The following ADAM19 variants were observed in gnomAD, a reference collection of about 807,000 sequenced individuals.
The protein encoded by ADAM19 is disintegrin and metalloproteinase domain-containing protein 19.
ADAM19 carries 65 observed loss-of-function variants against 114.7 expected under a neutral mutation model. The observed-to-expected ratio is 0.57, with a 90% confidence interval of 0.46 to 0.70. ADAM19 has a LOEUF of 0.70. Ranked by LOEUF, ADAM19 falls within the 30% of genes least tolerant of loss-of-function variation. The pLI, the probability that ADAM19 is intolerant of heterozygous loss-of-function variation, is 0.00. For missense variants in ADAM19, 1,063 were observed against 1,204.7 expected (o/e 0.88, Z 1.74); for synonymous variants, 466 against 460.5 (o/e 1.01, Z -0.15).
Position 157,477,732 on chromosome 5 carries a change from C to A in ADAM19, c.*3217G>T. The A allele has an allele frequency of 3.1e-6, 4 of 1,289,522 alleles. No individual in the cohort carries two copies. The highest frequency in any genetic ancestry group is 2.1e-4 in the Middle Eastern group (1 of 4,694). 79.9% of individuals were successfully genotyped at this position (1,289,522 alleles called of 1,614,324 possible). On this transcript the variant is annotated 3_prime_UTR_variant, in exon 23 of 23. Coordinates refer to ENST00000257527, the MANE Select transcript of ADAM19 (RefSeq NM_033274.5). ...GTTTTCAAATTGCAAGTCTTCCATACCCTCTGTCAAATAAGAATAAATTAG... is the reference window on the plus strand; with the variant it reads ...GTTTTCAAATTGCAAGTCTTCCATAACCTCTGTCAAATAAGAATAAATTAG...
At chr5:157,534,524 G>A (rs1756711737) in intron 4 of ADAM19, among the ~76,000 whole-genome samples, 2 of 152,092 alleles carry the variant, frequency 1.3e-5, no homozygotes, top group South Asian at 2.1e-4. Context: ...CAGGCATGGC[G>A]GCTCATGCCT....
chr5:157,506,659 G>A (rs1264838649), intron 10 of ADAM19, among the ~76,000 whole-genome samples: 3 of 152,186 alleles, frequency 2.0e-5, no homozygotes, highest in African/African-American at 7.2e-5. Context: ...TCAAAAGAAG[G>A]CAGTAATTTC....
At chr5:157,560,714 G>A (rs531740586) in intron 3 of ADAM19, among the ~76,000 whole-genome samples, 1 of 152,192 alleles carries the variant, frequency 6.6e-6, no homozygotes. Flanking sequence ...TCATGTGCAT[G>A]TTCTTGTATG....
rs1754724328 is a variant in ADAM19 at position 157,480,885 on chromosome 5, A to C, written c.*64T>G. On this transcript the variant is annotated 3_prime_UTR_variant, in exon 23 of 23. Coordinates refer to ENST00000257527, the MANE Select transcript of ADAM19 (RefSeq NM_033274.5). ...GCCAGACATGCTTCTTCAGGGTTCCATGGCCATGGGTCCTCTGCAGTGTCC... is the reference window on the plus strand; with the variant it reads ...GCCAGACATGCTTCTTCAGGGTTCCCTGGCCATGGGTCCTCTGCAGTGTCC... 8 of 1,610,846 alleles carry C rather than the reference A, an allele frequency of 5.0e-6. No homozygotes were observed. Among genetic ancestry groups the C allele is most frequent in the Non-Finnish European group, 6.8e-6 (8 of 1,178,942 alleles).
intron 22 of ADAM19, 87 bp from the exon 23 acceptor site, chr5:157,481,089 A>G: frequency 6.4e-7 from 1 of 1,559,900 alleles, no homozygotes. Flanking sequence ...CCGATTTTAG[A>G]AGGAAGGATG....
intron 20 of ADAM19, 106 bp from the exon 21 acceptor site, chr5:157,488,595 A>C: frequency 1.1e-6 from 1 of 892,526 alleles, no homozygotes; most frequent in Non-Finnish European, 1.7e-6. Flanking sequence ...AGACACACCA[A>C]TCTATTAAAC....
At chr5:157,483,757 C>T (rs1754837310) in intron 21 of ADAM19, among the ~76,000 whole-genome samples, 1 of 151,926 alleles carries the variant, frequency 6.6e-6, no homozygotes. Context: ...CCTCAGCCTC[C>T]TGAGTAGTTG....
rs1455434990 is a variant in ADAM19, at chr5:157,477,703, C to T, written c.*3246G>A. The stretch of plus-strand genomic sequence containing the variant: ...ACAATTACTGACTTTGGAACTGGTC[C>T]CCAGTTTTCAAATTGCAAGTCTTCC... On this transcript the variant is annotated 3_prime_UTR_variant, in exon 23 of 23. Transcript: ENST00000257527. 7.8e-7 allele frequency: 1 copy of T among 1,289,640 alleles called. No homozygotes were observed. Among genetic ancestry groups the T allele is most frequent in the Non-Finnish European group, 1.0e-6 (1 of 988,830 alleles). The allele number at this position is 1,289,640 out of a possible 1,614,324, so 79.9% of individuals were successfully genotyped here.
At chr5:157,484,604 C>T (rs940188180) in intron 21 of ADAM19, among the ~76,000 whole-genome samples, 18 of 152,224 alleles carry the variant, frequency 1.2e-4, no homozygotes, top group African/African-American at 3.1e-4. Context: ...CACAAAGAGC[C>T]GAGATTTTCC....
chr5:157,567,312 T>C (rs1249679346), intron 2 of ADAM19, among the ~76,000 whole-genome samples: 1 of 152,212 alleles, frequency 6.6e-6, no homozygotes, highest in East Asian at 1.9e-4. Flanking sequence ...CCCACCGAAG[T>C]AGGAAGCTGG....
intron 16 of ADAM19, among the ~76,000 whole-genome samples, chr5:157,492,727 G>T (rs1176862624): frequency 6.6e-6 from 1 of 152,116 alleles, no homozygotes; most frequent in African/African-American, 2.4e-5. Context: ...ATGATAATTA[G>T]CGATGAGGAT....
At chr5:157,549,080 T>G (rs907488976) in intron 3 of ADAM19, among the ~76,000 whole-genome samples, 3 of 152,142 alleles carry the variant, frequency 2.0e-5, no homozygotes, top group Admixed American at 2.0e-4. Flanking sequence ...TCCATCCTCT[T>G]GGCTCAGCCC....
At chr5:157,514,908 C>A (rs149056014) in intron 7 of ADAM19, among the ~76,000 whole-genome samples, 44 of 152,276 alleles carry the variant, frequency 2.9e-4, no homozygotes, top group Non-Finnish European at 5.3e-4. Context: ...TCTTAGGTAC[C>A]CACTATACAT....
At chr5:157,562,115 T>C (rs1757525835) in intron 3 of ADAM19, among the ~76,000 whole-genome samples, 1 of 152,180 alleles carries the variant, frequency 6.6e-6, no homozygotes, top group African/African-American at 2.4e-5. Flanking sequence ...GCACGCACCA[T>C]GAATGAGAAG....
rs564067405 is a variant in ADAM19, at chr5:157,505,677, A to C, written c.1122T>G (p.Ala374=). Residue 374 remains alanine, a synonymous_variant, in exon 11 of 23, where the codon GCT becomes GCG. Transcript: ENST00000257527. ...SAADGGCIMA[A]ATGHPFPKVF... ...CTTGCTGTTTGACTCACCCAGTGGC[A>C]GCTGCCATGATGCACCCACCATCAG... 1 of 1,613,808 alleles carries C rather than the reference A, an allele frequency of 6.2e-7. No individual in the cohort carries two copies. Among genetic ancestry groups the C allele is most frequent in the South Asian group, 1.1e-5 (1 of 91,062 alleles).
chr5:157,492,317 A>T (rs1004630501), intron 16 of ADAM19, among the ~76,000 whole-genome samples: 2 of 152,160 alleles, frequency 1.3e-5, no homozygotes, highest in African/African-American at 4.8e-5. Context: ...TGAGGGCCCA[A>T]ATAGGCAGCA....
intron 11 of ADAM19, among the ~76,000 whole-genome samples, chr5:157,504,848 G>A (rs539636103): frequency 1.3e-5 from 2 of 152,044 alleles, no homozygotes; most frequent in East Asian, 3.9e-4. Flanking sequence ...TGTCCAGCGC[G>A]GTGGCTCACA....
intron 1 of ADAM19, among the ~76,000 whole-genome samples, chr5:157,573,895 C>T (rs1757897140): frequency 1.3e-5 from 2 of 152,218 alleles, no homozygotes; most frequent in African/African-American, 4.8e-5. Context: ...GCTTGTATCA[C>T]CCCTTTCTAA....
chr5:157,563,803 T>C (rs1051551104), intron 3 of ADAM19, among the ~76,000 whole-genome samples: 1 of 152,184 alleles, frequency 6.6e-6, no homozygotes, highest in Non-Finnish European at 1.5e-5. Flanking sequence ...AATGTGCAAG[T>C]GCCTCTGAGC....
Sources: allele counts gnomAD v4.1 joint callset (sites outside exome capture counted in the v4.1 genomes callset), GRCh38; gene constraint gnomAD v4.1.1; transcripts MANE v1.5; gene names NCBI Gene and HGNC (gene_info 2026-07-23, HGNC 2026-07-21).